The following ADARB2 variants were observed in gnomAD, a reference collection of about 807,000 sequenced individuals.
ADARB2 encodes the protein adenosine deaminase RNA specific B2 (inactive), also known as inactive double-stranded RNA-specific editase B2.
ADARB2 carries 25 observed loss-of-function variants against 62.2 expected under a neutral mutation model. That is an observed-to-expected ratio of 0.40 (90% CI 0.29 to 0.56). ADARB2 has a LOEUF of 0.56. Among genes scored for constraint, ADARB2 ranks in the 20% least tolerant of loss-of-function variants. The probability of loss-of-function intolerance (pLI) is 0.43; values close to 1 mark genes in which losing one functional copy is unlikely to be tolerated. For missense variants in ADARB2, 1,071 were observed against 1,077.4 expected, an observed-to-expected ratio of 0.99 and a Z score of 0.08; for synonymous variants, 572 against 500.8, an observed-to-expected ratio of 1.14 and a Z score of -1.90.
intron 1 of ADARB2, among the ~76,000 whole-genome samples, chr10:1,554,179 G>T (rs141358387): frequency 1.3e-5 from 2 of 152,254 alleles, no homozygotes; most frequent in African/African-American, 2.4e-5. Flanking sequence ...TCTCCGGGTG[G>T]CCTGTGCCCT....
intron 6 of ADARB2, among the ~76,000 whole-genome samples, chr10:1,228,103 T>G (rs1482144320): frequency 1.3e-5 from 2 of 152,252 alleles, no homozygotes; most frequent in Admixed American, 1.3e-4. Flanking sequence ...GGGATTTTCG[T>G]TAAATCTCTT....
intron 4 of ADARB2, among the ~76,000 whole-genome samples, chr10:1,258,147 T>A (rs546967653): frequency 6.6e-6 from 1 of 152,246 alleles, no homozygotes; most frequent in African/African-American, 2.4e-5. Flanking sequence ...CCTCCCTCCC[T>A]AACTCTTTTT....
intron 1 of ADARB2, among the ~76,000 whole-genome samples, chr10:1,380,336 G>A (rs1479502493): frequency 1.3e-5 from 2 of 152,272 alleles, no homozygotes; most frequent in African/African-American, 4.8e-5. Context: ...ACTTTGCTAA[G>A]TGGGATTCTT....
intron 6 of ADARB2, among the ~76,000 whole-genome samples, chr10:1,229,688 G>GCACATGTGCTTGTGTT (rs1439263246): frequency 3.3e-4 from 39 of 119,976 alleles, no homozygotes; most frequent in Middle Eastern, 4.8e-3. Flanking sequence ...ATGTGTTTGT[G>GCACATGTGCTTGTGTT]TGTGCACATG....
chr10:1,380,501 C>T (rs113085744), intron 1 of ADARB2, among the ~76,000 whole-genome samples: 4 of 152,200 alleles, frequency 2.6e-5, no homozygotes, highest in Non-Finnish European at 5.9e-5. Context: ...ACATGAACTG[C>T]TGGTTTCATC....
intron 1 of ADARB2, among the ~76,000 whole-genome samples, chr10:1,647,049 C>T (rs1049298393): frequency 1.2e-4 from 18 of 152,242 alleles, no homozygotes; most frequent in African/African-American, 2.7e-4. Flanking sequence ...CACCAACACT[C>T]GCACGAGTTC....
At chr10:1,662,927 T>A (rs1834268092) in intron 1 of ADARB2, among the ~76,000 whole-genome samples, 1 of 152,160 alleles carries the variant, frequency 6.6e-6, no homozygotes, top group Admixed American at 6.5e-5. Context: ...CCTGGGAGCA[T>A]CAGCAGAACG....
intron 4 of ADARB2, among the ~76,000 whole-genome samples, chr10:1,251,067 C>G (rs1411646652): frequency 6.6e-6 from 1 of 152,192 alleles, no homozygotes; most frequent in Admixed American, 6.5e-5. Flanking sequence ...TTATCTGACA[C>G]CATGTACCAG....
At chr10:1,633,345 A>G (rs1218404537) in intron 1 of ADARB2, among the ~76,000 whole-genome samples, 1 of 152,202 alleles carries the variant, frequency 6.6e-6, no homozygotes, top group African/African-American at 2.4e-5. Context: ...AATGCTCCAT[A>G]GTTCAAAACT....
At chr10:1,374,456 GA>G (rs2131857022) in intron 2 of ADARB2, among the ~76,000 whole-genome samples, 1 of 152,354 alleles carries the variant, frequency 6.6e-6, no homozygotes, top group East Asian at 1.9e-4. Context: ...GCATCTGGGG[GA>G]GAAAGGCCAA....
intron 1 of ADARB2, among the ~76,000 whole-genome samples, chr10:1,388,844 T>C (rs1164860506): frequency 6.6e-6 from 1 of 152,148 alleles, no homozygotes; most frequent in African/African-American, 2.4e-5. Context: ...CTTGTTGAAA[T>C]TGAAAGATAA....
At chr10:1,319,456 C>T (rs1364810410) in intron 3 of ADARB2, among the ~76,000 whole-genome samples, 1 of 152,132 alleles carries the variant, frequency 6.6e-6, no homozygotes, top group Non-Finnish European at 1.5e-5. Context: ...AAAATTTTCT[C>T]TGTATCAAAA....
intron 1 of ADARB2, among the ~76,000 whole-genome samples, chr10:1,659,408 C>A (rs929682022): frequency 6.6e-6 from 1 of 152,156 alleles, no homozygotes; most frequent in Non-Finnish European, 1.5e-5. Context: ...TGGGGGTCCC[C>A]ACGCGACATC....
At chr10:1,620,315 T>C (rs1397499305) in intron 1 of ADARB2, among the ~76,000 whole-genome samples, 1 of 151,988 alleles carries the variant, frequency 6.6e-6, no homozygotes, top group Non-Finnish European at 1.5e-5. Flanking sequence ...ATCACCAATC[T>C]ACAAAAATTA....
At chr10:1,242,760 C>T (rs539160236) in intron 4 of ADARB2, among the ~76,000 whole-genome samples, 1 of 146,492 alleles carries the variant, frequency 6.8e-6, no homozygotes, top group African/African-American at 2.5e-5. Flanking sequence ...ACCCTTCACC[C>T]TAACACAGAA....
chr10:1,177,570 C>T lies in ADARB2; in HGVS notation c.*5623G>A, dbSNP rs879313341. On this transcript the variant is annotated 3_prime_UTR_variant, in exon 10 of 10. Transcript: ENST00000381312. Reference sequence around the variant, plus strand: ...TTGCTTACAAAATGCTGAAAACTAACGGGGCACACTGGGAGAGATTTTTTT... The same window carrying T: ...TTGCTTACAAAATGCTGAAAACTAATGGGGCACACTGGGAGAGATTTTTTT... 15 of 147,000 alleles carry T rather than the reference C, an allele frequency of 1.0e-4. No homozygotes were observed. The highest frequency in any genetic ancestry group is 2.0e-4 in the Admixed American group (3 of 14,824). 9.1% of individuals were successfully genotyped at this position (147,000 alleles called of 1,614,324 possible).
chr10:1,240,316 A>C (rs1830902747), intron 5 of ADARB2: 8 of 128,548 alleles, frequency 6.2e-5, no homozygotes, highest in Non-Finnish European at 9.7e-5. Context: ...CCCGGTGTTT[A>C]CTCCCCTCTG....
chr10:1,674,218 A>AT (rs1422446675), intron 1 of ADARB2, among the ~76,000 whole-genome samples: 1 of 152,180 alleles, frequency 6.6e-6, no homozygotes, highest in Non-Finnish European at 1.5e-5. Context: ...TGAAAGATCC[A>AT]TTTTTTAAAG....
chr10:1,651,468 G>A (rs146505220), intron 1 of ADARB2, among the ~76,000 whole-genome samples: 2 of 152,224 alleles, frequency 1.3e-5, no homozygotes, highest in Admixed American at 1.3e-4. Context: ...ACCTGCCATG[G>A]CCAGGGCCAA....
Sources: allele counts gnomAD v4.1 joint callset (sites outside exome capture counted in the v4.1 genomes callset), GRCh38; gene constraint gnomAD v4.1.1; transcripts MANE v1.5; gene names NCBI Gene and HGNC (gene_info 2026-07-23, HGNC 2026-07-21).